Variants in DIXDC1 observed in about 807,000 individuals in gnomAD.
The protein encoded by DIXDC1 is dixin.
DIXDC1 carries 64 observed loss-of-function variants against 103.1 expected under a neutral mutation model. The ratio of observed to expected loss-of-function variants is 0.62; its 90% CI spans 0.51 to 0.76. The LOEUF (loss-of-function observed/expected upper bound fraction) is 0.76. Among genes scored for constraint, DIXDC1 ranks in the 30% least tolerant of loss-of-function variants. The probability of loss-of-function intolerance (pLI) is 0.00; values close to 1 mark genes in which losing one functional copy is unlikely to be tolerated. For missense variants in DIXDC1, 759 were observed against 834.2 expected, an observed-to-expected ratio of 0.91 and a Z score of 1.11; for synonymous variants, 266 against 298.5, an observed-to-expected ratio of 0.89 and a Z score of 1.12.
Position 111,977,207 on chromosome 11 carries a change from C to T in DIXDC1, c.656+2224C>T. On this transcript the variant is annotated intron_variant, in intron 5 of 19. Coordinates refer to ENST00000440460, the MANE Select transcript of DIXDC1 (RefSeq NM_001037954.4). This position sits in a 1 kb window ranked among gnomAD's most constrained non-coding sequence, Gnocchi z 6.1. ...CCTGGCCCGCACCCTCAACCTCCGT[C>T]CAGAGCGGTCGGTTGGCCAGCGGAG... is the stretch of plus-strand genomic sequence containing the variant. 1.1e-6 allele frequency: 1 copy of T among 952,200 alleles called. No homozygotes were observed. Among genetic ancestry groups the T allele is most frequent in the Non-Finnish European group, 1.3e-6 (1 of 797,750 alleles). 59.0% of individuals were successfully genotyped at this position (952,200 alleles called of 1,614,324 possible).
chr11:112,008,131 CA>C (rs782037838), intron 17 of DIXDC1, among the ~76,000 whole-genome samples: 593 of 52,222 alleles, frequency 0.011, 1 homozygote, highest in African/African-American at 0.02. Context: ...AAATGCAAAG[CA>C]AAAAAAAAAA....
In DIXDC1 at chr11:111,977,451, A is replaced by G; in HGVS notation, c.656+2468A>G. ...CGGCACCGTGCGTCCGCGGAGGCCA[A>G]GATGCAGCGGCCAGGGGCCGGCAGC... On this transcript the variant is annotated intron_variant, in intron 5 of 19. Coordinates refer to ENST00000440460, the MANE Select transcript of DIXDC1 (RefSeq NM_001037954.4). This position sits in a 1 kb window ranked among gnomAD's most constrained non-coding sequence, Gnocchi z 6.1. 7.9e-7 allele frequency: 1 copy of G among 1,260,926 alleles called. No individual in the cohort carries two copies. The highest frequency in any genetic ancestry group is 1.8e-5 in the South Asian group (1 of 55,068). 78.1% of individuals were successfully genotyped at this position (1,260,926 alleles called of 1,614,324 possible). A position where few individuals can be genotyped will look rare whatever the true frequency, so the allele number is the denominator to read the frequency against.
At chr11:111,952,819 CAA>C (rs1293702864) in intron 1 of DIXDC1, among the ~76,000 whole-genome samples, 29 of 110,536 alleles carry the variant, frequency 2.6e-4, no homozygotes, top group Admixed American at 2.8e-4. Context: ...GACTTTGTCT[CAA>C]AAAAAAAAAA....
chr11:111,938,142 G>A (rs1555168454), intron 1 of DIXDC1, among the ~76,000 whole-genome samples: 1 of 152,202 alleles, frequency 6.6e-6, no homozygotes, highest in Non-Finnish European at 1.5e-5. Flanking sequence ...CTGGGTCCAG[G>A]GAGCCAGCGC....
chr11:111,977,440 C>T lies in DIXDC1; in HGVS notation c.656+2457C>T, dbSNP rs1860147046. 13 of 1,227,992 alleles carry T rather than the reference C, an allele frequency of 1.1e-5. No homozygotes were observed. The highest frequency in any genetic ancestry group is 1.3e-5 in the Non-Finnish European group (13 of 981,594). 76.1% of individuals were successfully genotyped at this position (1,227,992 alleles called of 1,614,324 possible). On this transcript the variant is annotated intron_variant, in intron 5 of 19. Coordinates refer to ENST00000440460, the MANE Select transcript of DIXDC1 (RefSeq NM_001037954.4). This position sits in a 1 kb window ranked among gnomAD's most constrained non-coding sequence, Gnocchi z 6.1. ...GGGGGGATGCCCGGCACCGTGCGTCCGCGGAGGCCAAGATGCAGCGGCCAG... is the reference window on the plus strand; with the variant it reads ...GGGGGGATGCCCGGCACCGTGCGTCTGCGGAGGCCAAGATGCAGCGGCCAG...
At chr11:111,957,611 A>G (rs1566485523) in intron 1 of DIXDC1, among the ~76,000 whole-genome samples, 1 of 152,232 alleles carries the variant, frequency 6.6e-6, no homozygotes, top group Non-Finnish European at 1.5e-5. Flanking sequence ...TTATGAGAAA[A>G]CTTCAGATAA....
At position 111,993,750 on chromosome 11, in the gene DIXDC1, AC is replaced by A. The variant is rs1477143685; in HGVS notation, c.1437+14del. ...AAGAGAGGCAGATGAGGTAACCTAG[AC>A]CCCGTGTTCTCCCTCCCACATTTAT... is the stretch of plus-strand genomic sequence containing the variant. On this transcript the variant is annotated intron_variant, in intron 14 of 19. Transcript: ENST00000440460. 6.2e-7 allele frequency: 1 copy of A among 1,613,266 alleles called. No individual in the cohort carries two copies. The highest frequency in any genetic ancestry group is 8.5e-7 in the Non-Finnish European group (1 of 1,179,672).
At chr11:111,928,224 G>A (rs1965893856) in intron 1 of DIXDC1, among the ~76,000 whole-genome samples, 1 of 151,986 alleles carries the variant, frequency 6.6e-6, no homozygotes, top group Non-Finnish European at 1.5e-5. Flanking sequence ...CCACTAATTG[G>A]TGGAGAAACT....
At chr11:111,953,743 G>A (rs1321098450) in intron 1 of DIXDC1, among the ~76,000 whole-genome samples, 6 of 152,212 alleles carry the variant, frequency 3.9e-5, no homozygotes, top group Admixed American at 2.0e-4. Flanking sequence ...TATAACCACA[G>A]TGGAAGGAGT....
chr11:112,016,685 T>G lies in DIXDC1; in HGVS notation c.1757-6T>G. ...TGTTCTAACCACAGTCTCTTTCTGA[T>G]TGTAGAGTTGCCTCACTCACAGAGC... On this transcript the variant is annotated splice_region_variant and splice_polypyrimidine_tract_variant and intron_variant, in intron 17 of 19. Coordinates refer to ENST00000440460, the MANE Select transcript of DIXDC1 (RefSeq NM_001037954.4). 1 of 1,589,924 alleles carries G rather than the reference T, an allele frequency of 6.3e-7. No homozygotes were observed. The highest frequency in any genetic ancestry group is 8.6e-7 in the Non-Finnish European group (1 of 1,168,712).
At chr11:111,980,974 A>C in intron 6 of DIXDC1, 125 bp downstream of exon 6, 1 of 666,146 alleles carries the variant, frequency 1.5e-6, no homozygotes, top group Non-Finnish European at 2.5e-6. Context: ...CAGGGTCAGC[A>C]CTAGAGGGCT....
chr11:111,943,433 C>A (rs587614110), intron 1 of DIXDC1, among the ~76,000 whole-genome samples: 1 of 151,362 alleles, frequency 6.6e-6, no homozygotes, highest in East Asian at 2.0e-4. Flanking sequence ...CATGAACCAC[C>A]GCGCCCGGCT....
intron 5 of DIXDC1, among the ~76,000 whole-genome samples, chr11:111,980,032 A>G (rs1860243696): frequency 6.6e-6 from 1 of 152,232 alleles, no homozygotes; most frequent in Admixed American, 6.5e-5. Context: ...TGTCAGAAAT[A>G]TAAATAACTT....
At chr11:111,971,805 T>C (rs1340217013) in intron 3 of DIXDC1, among the ~76,000 whole-genome samples, 1 of 152,040 alleles carries the variant, frequency 6.6e-6, no homozygotes, top group South Asian at 2.1e-4. Flanking sequence ...AAAAAATTCA[T>C]GTCCTTTGCT....
Position 111,993,729 on chromosome 11 carries a change from G to A in DIXDC1, c.1426G>A (p.Glu476Lys). The change falls in exon 14 of 20, where the codon GAG becomes AAG. Residue 476 changes from glutamate to lysine, a missense_variant. Glu to Lys is a moderately conservative substitution (Grantham distance 56). This residue lies in a region of DIXDC1 where 657 missense variants were observed against 727.5 expected (regional missense o/e 0.90). Coordinates refer to ENST00000440460, the MANE Select transcript of DIXDC1 (RefSeq NM_001037954.4). ...CCTCTTGGCTCACTGTATGAAAAGA[G>A]AGGCAGATGAGGTAACCTAGACCCC... ...DVLLAHCMKR[E>K]ADEATNYNSH... The A allele has an allele frequency of 6.2e-7, 1 of 1,613,984 alleles. No homozygotes were observed. The highest frequency in any genetic ancestry group is 2.2e-5 in the East Asian group (1 of 44,886).
chr11:111,962,197 G>A (rs1859602642), intron 1 of DIXDC1, among the ~76,000 whole-genome samples: 1 of 152,114 alleles, frequency 6.6e-6, no homozygotes, highest in African/African-American at 2.4e-5. Flanking sequence ...GAAGAGGCAG[G>A]TTGGCCGGGT....
intron 12 of DIXDC1, 94 bp from the exon 13 acceptor site, chr11:111,993,402 T>A: frequency 7.4e-7 from 1 of 1,359,486 alleles, no homozygotes; most frequent in Non-Finnish European, 1.0e-6. Context: ...TTCCTGAGGC[T>A]CTACTTTACT....
chr11:111,989,902 C>T (rs1860640675), intron 10 of DIXDC1, among the ~76,000 whole-genome samples: 1 of 150,192 alleles, frequency 6.7e-6, no homozygotes, highest in African/African-American at 2.4e-5. Flanking sequence ...CATTCTCCTG[C>T]CTCAGCCTCC....
At chr11:111,980,503 T>C (rs1436370986) in intron 5 of DIXDC1, among the ~76,000 whole-genome samples, 2 of 152,220 alleles carry the variant, frequency 1.3e-5, no homozygotes, top group African/African-American at 4.8e-5. Flanking sequence ...GGCATCCTTG[T>C]TGTGGGAGAG....
Sources: allele counts gnomAD v4.1 joint callset (sites outside exome capture counted in the v4.1 genomes callset), GRCh38; gene constraint gnomAD v4.1.1; regional missense constraint gnomAD v4.1.1; non-coding constraint Gnocchi (gnomAD v3.1); transcripts MANE v1.5; gene names NCBI Gene and HGNC (gene_info 2026-07-23, HGNC 2026-07-21).